CCDC38: variants seen among roughly 807,000 people sequenced by gnomAD.
CCDC38 encodes the protein coiled-coil domain containing 38, also known as coiled-coil domain-containing protein 38.
A neutral mutation model predicts 72.8 loss-of-function variants in CCDC38; 69 were observed. The ratio of observed to expected loss-of-function variants is 0.95; its 90% CI spans 0.78 to 1.16. The LOEUF (loss-of-function observed/expected upper bound fraction) is 1.16. Ranked by LOEUF, CCDC38 falls within the 50% of genes most tolerant of loss-of-function variation. CCDC38 has a pLI of 0.00. For missense variants in CCDC38, 626 were observed against 638.9 expected, an observed-to-expected ratio of 0.98 and a Z score of 0.22; for synonymous variants, 201 against 213.2, an observed-to-expected ratio of 0.94 and a Z score of 0.50.
At chr12:95,883,107 C>CCTTT (rs2079719434) in intron 10 of CCDC38, among the ~76,000 whole-genome samples, 1 of 152,190 alleles carries the variant, frequency 6.6e-6, no homozygotes, top group South Asian at 2.1e-4. Flanking sequence ...TCTCTCACAG[C>CCTTT]CTTTCTTTCT....
At chr12:95,891,857 G>T (rs1047188695) in intron 8 of CCDC38, among the ~76,000 whole-genome samples, 3 of 152,102 alleles carry the variant, frequency 2.0e-5, no homozygotes, top group Admixed American at 2.0e-4. Flanking sequence ...TGTTGGTAAA[G>T]GTTTAACAAC....
At position 95,878,353 on chromosome 12, in the gene CCDC38, C is replaced by T. The variant is rs374871249; in HGVS notation, c.1143-7G>A. On this transcript the variant is annotated splice_polypyrimidine_tract_variant and splice_region_variant and intron_variant, in intron 12 of 15. Transcript: ENST00000344280. ...AAACTCTATGTTGCTATTTCTATTA[C>T]AAAAGAAGAAAGAGACCCTCATCTG... The T allele has an allele frequency of 1.9e-6, 3 of 1,606,732 alleles. No homozygotes were observed. The African/African-American group carries it at 4.0e-5, about 22-fold the overall frequency.
intron 13 of CCDC38, among the ~76,000 whole-genome samples, chr12:95,876,807 T>G (rs1037941007): frequency 6.6e-6 from 1 of 152,190 alleles, no homozygotes; most frequent in Admixed American, 6.5e-5. Context: ...CTACTTCTGT[T>G]TGAAAATCAA....
chr12:95,905,646 A>C (rs2079993439), intron 5 of CCDC38, among the ~76,000 whole-genome samples: 1 of 152,260 alleles, frequency 6.6e-6, no homozygotes, highest in Non-Finnish European at 1.5e-5. Context: ...CATTAGCATC[A>C]AAGAGTTTAA....
intron 7 of CCDC38, 87 bp downstream of exon 7, chr12:95,898,298 G>A (rs1565952301): frequency 4.1e-6 from 5 of 1,233,112 alleles, no homozygotes; most frequent in Non-Finnish European, 6.0e-6. Context: ...TGATAAGGAT[G>A]ATCAGGATTA....
chr12:95,872,312 A>G lies in CCDC38; in HGVS notation c.1427T>C (p.Ile476Thr), dbSNP rs375981671. The G allele has an allele frequency of 1.2e-4, 189 of 1,614,030 alleles. No individual in the cohort carries two copies. The highest frequency in any genetic ancestry group is 1.5e-4 in the Non-Finnish European group (180 of 1,180,028). The change falls in exon 14 of 16, where the codon ATT becomes ACT. Residue 476 changes from isoleucine (I) to threonine (T), a missense_variant. Transcript: ENST00000344280. ...LVELCDLIES[I>T]PKENVEAIER... ...AATTGCCTCCACATTTTCTTTGGGA[A>G]TGGATTCGATGAGGTCACACAGTTC...
chr12:95,922,824 A>G lies in CCDC38; in HGVS notation c.38-3848T>C, dbSNP rs145417484. Among the ~76,000 whole-genome samples, 510 of 152,288 alleles carry G rather than the reference A, an allele frequency of 3.3e-3. 4 individuals carry two copies. Among genetic ancestry groups the G allele is most frequent in the African/African-American group, 0.012 (491 of 41,564 alleles). ...GCTGAAGACCAGGAGGTAGCCACAG[A>G]GATTGAGGACTCAAAAGGACCTGGG... On this transcript the variant is annotated intron_variant, in intron 2 of 15. Transcript: ENST00000344280.
Position 95,928,791 on chromosome 12 carries a change from C to T in CCDC38, c.37+7682G>A, listed in dbSNP as rs534828038. Among the ~76,000 whole-genome samples the T allele has an allele frequency of 2.4e-4, 37 of 152,152 alleles. No individual in the cohort carries two copies. In the South Asian group the frequency reaches 6.4e-3, roughly 26 times the overall value. ...CCTCAGCTGCAGGTCTGTTGGAGTA[C>T]CCGGCCGTGTGAGGTGTCAGTGTGC... On this transcript the variant is annotated intron_variant, in intron 2 of 15. Transcript: ENST00000344280.
At chr12:95,873,129 T>G (rs887137270) in intron 13 of CCDC38, among the ~76,000 whole-genome samples, 1 of 152,232 alleles carries the variant, frequency 6.6e-6, no homozygotes, top group Non-Finnish European at 1.5e-5. Context: ...GCATTTCCTT[T>G]TGGCACAATA....
chr12:95,874,828 G>A (rs1038231875), intron 13 of CCDC38, among the ~76,000 whole-genome samples: 6 of 152,186 alleles, frequency 3.9e-5, no homozygotes, highest in Non-Finnish European at 8.8e-5. Context: ...CGGGAGAGGG[G>A]AAAGGTTGCC....
chr12:95,892,369 C>A (rs998260669), intron 8 of CCDC38, among the ~76,000 whole-genome samples: 1 of 141,026 alleles, frequency 7.1e-6, no homozygotes, highest in African/African-American at 2.7e-5. Flanking sequence ...ACTGCAACTT[C>A]CTCCTCCTGG....
At chr12:95,908,397 G>T (rs2080040225) in intron 4 of CCDC38, among the ~76,000 whole-genome samples, 2 of 142,940 alleles carry the variant, frequency 1.4e-5, no homozygotes, top group Admixed American at 7.1e-5. Context: ...GTTGCAGTGA[G>T]CTGAGATGGC....
intron 2 of CCDC38, among the ~76,000 whole-genome samples, chr12:95,928,590 G>A (rs140570898): frequency 0.22 from 33,752 of 152,150 alleles, 4,578 homozygotes; most frequent in Admixed American, 0.4. Context: ...GAGGAACTGC[G>A]TTCCTTTGGA....
chr12:95,871,284 C>A (rs769327445), intron 14 of CCDC38, among the ~76,000 whole-genome samples: 1 of 152,124 alleles, frequency 6.6e-6, no homozygotes, highest in Non-Finnish European at 1.5e-5. Context: ...AAAAATAATA[C>A]AAATTTTAAG....
rs546776831 is a variant in CCDC38, at chr12:95,911,484, G to A, written c.305-5033C>T. 1.8e-4 allele frequency among the ~76,000 whole-genome samples: 28 copies of A among 152,098 alleles called. No homozygotes were observed. The East Asian group carries it at 3.9e-3, about 21-fold the overall frequency. On this transcript the variant is annotated intron_variant, in intron 4 of 15. Coordinates refer to ENST00000344280, the MANE Select transcript of CCDC38 (RefSeq NM_182496.3). The stretch of plus-strand genomic sequence containing the variant: ...AAATATTTGCAAGCTATGTATATTC[G>A]CAACCTTTGTCAAAGACAAAGGCCT...
chr12:95,900,789 G>GTAAA lies in CCDC38; in HGVS notation c.370-2062_370-2059dup, dbSNP rs1000979812. On this transcript the variant is annotated intron_variant, in intron 5 of 15. Transcript: ENST00000344280. The stretch of plus-strand genomic sequence containing the variant: ...CTCAAAAAAATCCCCCTTTAAAAAT[G>GTAAA]TAAATAAATAAATAAATATCTTTTA... Among the ~76,000 whole-genome samples, 9 of 152,264 alleles carry GTAAA rather than the reference G, an allele frequency of 5.9e-5. No individual in the cohort carries two copies. The East Asian group carries it at 1.5e-3, about 26-fold the overall frequency.
intron 10 of CCDC38, among the ~76,000 whole-genome samples, chr12:95,887,297 G>A (rs1375994600): frequency 2.6e-5 from 4 of 151,984 alleles, no homozygotes; most frequent in African/African-American, 7.2e-5. Flanking sequence ...CACACAAAAG[G>A]TTGAACAAAG....
intron 1 of CCDC38, among the ~76,000 whole-genome samples, chr12:95,941,467 C>T (rs778064231): frequency 3.3e-5 from 5 of 152,220 alleles, no homozygotes; most frequent in East Asian, 1.9e-4. Flanking sequence ...GATGAGAAAA[C>T]GAGGCTTCGA....
chr12:95,870,950 C>T (rs968410139), intron 14 of CCDC38, among the ~76,000 whole-genome samples: 1 of 152,142 alleles, frequency 6.6e-6, no homozygotes, highest in Admixed American at 6.5e-5. Context: ...AGTATTACTC[C>T]CGTTTTACGG....
Sources: allele counts gnomAD v4.1 joint callset (sites outside exome capture counted in the v4.1 genomes callset), GRCh38; gene constraint gnomAD v4.1.1; transcripts MANE v1.5; gene names NCBI Gene and HGNC (gene_info 2026-07-23, HGNC 2026-07-21).